PKD1: variants seen among roughly 807,000 people sequenced by gnomAD.
The protein encoded by PKD1 is polycystin-1.
In PKD1, 81 loss-of-function variants were observed where a neutral mutation model predicts 361.7. The observed-to-expected ratio is 0.22, with a 90% CI of 0.19 to 0.27. The LOEUF is 0.27. Ranked by LOEUF, PKD1 falls within the 10% of genes least tolerant of loss-of-function variation. The pLI, the probability that PKD1 is intolerant of heterozygous loss-of-function variation, is 1.00. For missense variants in PKD1, 6,399 were observed against 6,118.3 expected (o/e 1.05, Z -1.53); for synonymous variants, 3,615 against 2,818.3 (o/e 1.28, Z -8.95).
intron 1 of PKD1, chr16:2,123,421 T>C (rs893902388): frequency 2.2e-6 from 1 of 456,148 alleles, no homozygotes; most frequent in Non-Finnish European, 4.4e-6. Flanking sequence ...AGGTGTGGGC[T>C]TCAGGGACAG....
intron 1 of PKD1, among the ~76,000 whole-genome samples, chr16:2,127,017 C>G (rs961294910): frequency 3.3e-5 from 5 of 152,160 alleles, no homozygotes; most frequent in Admixed American, 3.3e-4. Context: ...ACGGCTCCAG[C>G]AGGAGGCCCT....
chr16:2,107,988 G>C lies in PKD1; in HGVS notation c.6960C>G (p.Ser2320Arg), dbSNP rs779926406. The C allele has an allele frequency of 6.5e-7, 1 of 1,548,008 alleles. No individual in the cohort carries two copies. The highest frequency in any genetic ancestry group is 2.0e-5 in the Admixed American group (1 of 51,074). Residue 2320 changes from serine (S) to arginine (R), a missense_variant, in exon 16 of 46, where the codon AGC (serine) becomes AGG (arginine). Transcript: ENST00000262304. ...GCTCCCGTGGAATGGTGACCGTGCT[G>C]CTCCCGCGGGGCCCAAAGTTCAGCG... is the stretch of plus-strand genomic sequence containing the variant. ...GCALNFGPRG[S>R]STVTIPRERL... is the part of the protein sequence containing the mutation.
intron 1 of PKD1, chr16:2,119,712 A>G: frequency 3.5e-6 from 2 of 573,038 alleles, no homozygotes; most frequent in Non-Finnish European, 6.2e-6. Context: ...CCCTGTCCAC[A>G]GTCCCCCACA....
chr16:2,091,282 CGGGGCGGGGCCCTGCGAG>C (rs1253695046), intron 42 of PKD1, 108 bp from the exon 43 acceptor site: 51 of 300,332 alleles, frequency 1.7e-4, no homozygotes, highest in Non-Finnish European at 2.2e-4. Flanking sequence ...GGGACGCTGC[CGGGGCGGGGCCCTGCGAG>C]GGGGCGGGAC....
intron 32 of PKD1, 66 bp downstream of exon 32, chr16:2,097,662 G>A (rs541487635): frequency 2.5e-5 from 40 of 1,610,554 alleles, no homozygotes; most frequent in African/African-American, 1.5e-4. Flanking sequence ...CACGCAGCCC[G>A]CACACCCCCG....
Position 2,105,484 on chromosome 16 carries a change from G to C in PKD1, c.7864-10C>G. The stretch of plus-strand genomic sequence containing the variant: ...CCAGGGCCCGCTCGTACTGGGGCAG[G>C]CAGGGGGCACAGCAAGCTGTCAGCA... On this transcript the variant is annotated splice_polypyrimidine_tract_variant and intron_variant, in intron 20 of 45. Coordinates refer to ENST00000262304, the MANE Select transcript of PKD1 (RefSeq NM_001009944.3). The C allele has an allele frequency of 6.3e-7, 1 of 1,595,154 alleles. No homozygotes were observed. The highest frequency in any genetic ancestry group is 8.5e-7 in the Non-Finnish European group (1 of 1,179,004).
At position 2,103,461 on chromosome 16, in the gene PKD1, G is replaced by A; in HGVS notation, c.8596C>T (p.Leu2866=). The change falls in exon 23 of 46, where the codon CTG becomes TTG. Residue 2866 remains leucine (L), a synonymous_variant. Coordinates refer to ENST00000262304, the MANE Select transcript of PKD1 (RefSeq NM_001009944.3). ...ACGGTGATGGCGCGCTCTGAGGCCAGCCGCTCGATGGGGATCTGGGCGCCG... is the reference window on the plus strand; with the variant it reads ...ACGGTGATGGCGCGCTCTGAGGCCAACCGCTCGATGGGGATCTGGGCGCCG... The part of the protein sequence containing the change: ...QAGAQIPIER[L]ASERAITVKV... 1 of 1,600,044 alleles carries A rather than the reference G, an allele frequency of 6.2e-7. No homozygotes were observed. Among genetic ancestry groups the A allele is most frequent in the South Asian group, 1.1e-5 (1 of 90,992 alleles).
rs1209415208 is a variant in PKD1, at chr16:2,106,685, C to G, written c.7210-8G>C. The G allele has an allele frequency of 3.8e-6, 6 of 1,592,600 alleles. No homozygotes were observed. The highest frequency in any genetic ancestry group is 4.5e-5 in the East Asian group (2 of 44,790). On this transcript the variant is annotated splice_polypyrimidine_tract_variant and splice_region_variant and intron_variant, in intron 17 of 45. Transcript: ENST00000262304. The surrounding 1 kb of genome is among the most constrained non-coding windows in gnomAD (Gnocchi z 6.5). The stretch of plus-strand genomic sequence containing the variant: ...CGTACGTGCAGCCCACCGCTGCAGG[C>G]AGAAGGGGTGGTGAGGGGGCGCAAC...
chr16:2,089,682 G>A lies in PKD1; in HGVS notation c.*45C>T, dbSNP rs541715653. The A allele has an allele frequency of 5.6e-5, 87 of 1,549,328 alleles. No individual in the cohort carries two copies. The highest frequency in any genetic ancestry group is 2.3e-4 in the South Asian group (19 of 84,098). On this transcript the variant is annotated 3_prime_UTR_variant, in exon 46 of 46. Coordinates refer to ENST00000262304, the MANE Select transcript of PKD1 (RefSeq NM_001009944.3). ...ACAGCGGCAGAAAGTAATACTGAGC[G>A]GTGTCCACTCCGACTCCACGGCCCA...
chr16:2,110,053 C>A lies in PKD1; in HGVS notation c.5114G>T (p.Ser1705Ile), dbSNP rs549733708. 2.5e-6 allele frequency: 4 copies of A among 1,610,306 alleles called. No homozygotes were observed. The South Asian group carries it at 3.3e-5, about 13-fold the overall frequency. Residue 1705 changes from serine (S) to isoleucine (I), a missense_variant, in exon 15 of 46, where the codon AGC (serine) becomes ATC (isoleucine). Coordinates refer to ENST00000262304, the MANE Select transcript of PKD1 (RefSeq NM_001009944.3). The stretch of plus-strand genomic sequence containing the variant: ...GTCCATGGTGCAGTCGGCCCAGGCG[C>A]TGCCCAGCATGTTGGTGGCCCGCAG... ...VQLRATNMLG[S>I]AWADCTMDFV... is the part of the protein sequence containing the mutation.
chr16:2,119,410 G>A (rs1406970701), intron 1 of PKD1, 32 bp from the exon 2 acceptor site: 2 of 1,455,588 alleles, frequency 1.4e-6, no homozygotes, highest in South Asian at 1.2e-5. Context: ...GTCAGGGCCA[G>A]AGCCCCTAGT....
At chr16:2,127,409 C>T (rs189643718) in intron 1 of PKD1, among the ~76,000 whole-genome samples, 33 of 152,354 alleles carry the variant, frequency 2.2e-4, no homozygotes, top group Non-Finnish European at 4.7e-4. Flanking sequence ...CACAGCCACG[C>T]GGCCCTGCGC....
intron 30 of PKD1, among the ~76,000 whole-genome samples, chr16:2,098,486 C>CAA (rs1352916198): frequency 6.7e-6 from 1 of 148,440 alleles, no homozygotes; most frequent in Admixed American, 6.7e-5. Flanking sequence ...GCTGGGATTA[C>CAA]AGGTGTGAGC....
chr16:2,105,221 G>A (rs1350962427), intron 21 of PKD1, 101 bp downstream of exon 21: 10 of 1,149,784 alleles, frequency 8.7e-6, no homozygotes, highest in East Asian at 7.6e-5. Flanking sequence ...GCCCAGGCTG[G>A]AGGCTCAGCT....
At position 2,088,881 on chromosome 16, in the gene PKD1, G is replaced by GCGCACACA. The variant is rs142285430; in HGVS notation, c.*845_*846insTGTGTGCG. The GCGCACACA allele has an allele frequency of 0.023, 9,758 of 421,040 alleles. 226 individuals carry two copies. Among genetic ancestry groups the GCGCACACA allele is most frequent in the African/African-American group, 0.087 (3,897 of 44,560 alleles). 26.1% of individuals were successfully genotyped at this position (421,040 alleles called of 1,614,324 possible). ...ACAGCACACTCGCGCGTGCGCGCGC[G>GCGCACACA]CACACACACACACACACAGTCACCT... On this transcript the variant is annotated 3_prime_UTR_variant, in exon 46 of 46. Coordinates refer to ENST00000262304, the MANE Select transcript of PKD1 (RefSeq NM_001009944.3).
In PKD1 at chr16:2,113,196, C is replaced by T. The variant is rs1201565538; in HGVS notation, c.2950G>A (p.Val984Ile). 1.6e-6 allele frequency: 2 copies of T among 1,257,876 alleles called. No individual in the cohort carries two copies. The highest frequency in any genetic ancestry group is 1.7e-5 in the Admixed American group (1 of 58,816). 77.9% of individuals were successfully genotyped at this position (1,257,876 alleles called of 1,614,324 possible). The change falls in exon 12 of 46, where the codon GTC (valine) becomes ATC (isoleucine). Residue 984 changes from valine (V) to isoleucine (I), a missense_variant. Transcript: ENST00000262304. The stretch of plus-strand genomic sequence containing the variant: ...AAGACCGCCGCGCTCTGATAAATGA[C>T]ATTGAAGACCACGTTCTGGAAGGTC... Reference protein sequence around the residue: ...SLTFQNVVFNVIYQSAAVFKL... With the variant: ...SLTFQNVVFNIIYQSAAVFKL...
intron 1 of PKD1, among the ~76,000 whole-genome samples, chr16:2,125,570 T>G (rs1258489108): frequency 1.3e-5 from 2 of 152,138 alleles, no homozygotes; most frequent in African/African-American, 2.4e-5. Context: ...CCTCGGAGGC[T>G]GAACGAGGGA....
chr16:2,110,400 C>A lies in PKD1; in HGVS notation c.4767G>T (p.Thr1589=), dbSNP rs371441700. ...AGATGGTAGGACCCCCAGGGATGGG[C>A]GTGCAGCGGTCACAGAGCACCCAGG... ...RYSWVLCDRC[T]PIPGGPTISY... is the part of the protein sequence containing the mutation. Residue 1589 remains threonine, a synonymous_variant, in exon 15 of 46, where the codon ACG becomes ACT. Transcript: ENST00000262304. 5.0e-6 allele frequency: 8 copies of A among 1,612,480 alleles called. No homozygotes were observed. Among genetic ancestry groups the A allele is most frequent in the African/African-American group, 1.3e-5 (1 of 74,920 alleles).
At chr16:2,104,415 G>A (rs1194117532) in intron 22 of PKD1, 83 bp downstream of exon 22, 2 of 1,018,788 alleles carry the variant, frequency 2.0e-6, no homozygotes, top group Non-Finnish European at 2.8e-6. Context: ...ATGGGGCAAA[G>A]GCGACGCGGT....
Sources: allele counts gnomAD v4.1 joint callset (sites outside exome capture counted in the v4.1 genomes callset), GRCh38; gene constraint gnomAD v4.1.1; non-coding constraint Gnocchi (gnomAD v3.1); transcripts MANE v1.5; gene names NCBI Gene and HGNC (gene_info 2026-07-23, HGNC 2026-07-21).